The following STK38L variants were observed in gnomAD, a reference collection of about 807,000 sequenced individuals.
STK38L encodes serine/threonine kinase 38 like.
In STK38L, 28 loss-of-function variants were observed where a neutral mutation model predicts 59.7. That is an observed-to-expected ratio of 0.47 (90% CI 0.35 to 0.64). The LOEUF (loss-of-function observed/expected upper bound fraction) is 0.64, where lower values mean the gene tolerates loss of function less well. Ranked by LOEUF, STK38L falls within the 30% of genes least tolerant of loss-of-function variation. STK38L has a pLI of 0.01. For missense variants in STK38L, 314 were observed against 555.8 expected (o/e 0.56, Z 4.37); for synonymous variants, 162 against 176.8 (o/e 0.92, Z 0.66).
At chr12:27,262,865 C>G (rs1465981767) in intron 1 of STK38L, among the ~76,000 whole-genome samples, 1 of 148,966 alleles carries the variant, frequency 6.7e-6, no homozygotes, top group Non-Finnish European at 1.5e-5. Flanking sequence ...GTGGTGGGAT[C>G]CCAGCTCACT....
rs75507321 is a variant in STK38L, at chr12:27,249,898, C to G, written c.-12+5566C>G. On this transcript the variant is annotated intron_variant, in intron 1 of 13. Transcript: ENST00000389032. Reference sequence around the variant, plus strand: ...TTATTTACTATCTCTCCAGCTGATTCAGGAGATTTTATTCCTCGTTTTCCT... The same window carrying G: ...TTATTTACTATCTCTCCAGCTGATTGAGGAGATTTTATTCCTCGTTTTCCT... 2.5e-3 allele frequency among the ~76,000 whole-genome samples: 376 copies of G among 152,290 alleles called. 1 individual carries two copies. The highest frequency in any genetic ancestry group is 8.8e-3 in the African/African-American group (367 of 41,566).
At chr12:27,255,583 C>G (rs1410714887) in intron 1 of STK38L, among the ~76,000 whole-genome samples, 2 of 152,162 alleles carry the variant, frequency 1.3e-5, no homozygotes, top group East Asian at 3.8e-4. Context: ...TGTACATCAT[C>G]TCCAACAAGT....
At chr12:27,292,308 G>T (rs889890202) in intron 1 of STK38L, among the ~76,000 whole-genome samples, 9 of 152,136 alleles carry the variant, frequency 5.9e-5, no homozygotes, top group Non-Finnish European at 1.2e-4. Context: ...TTAAAAGTCT[G>T]TCTGTGTCTG....
intron 1 of STK38L, among the ~76,000 whole-genome samples, chr12:27,265,828 A>C (rs1211159069): frequency 1.3e-5 from 2 of 152,146 alleles, no homozygotes; most frequent in Non-Finnish European, 2.9e-5. Context: ...TTGAAGCATG[A>C]TTAATTTTGT....
At chr12:27,278,897 C>G (rs1427403831) in intron 1 of STK38L, among the ~76,000 whole-genome samples, 2 of 152,084 alleles carry the variant, frequency 1.3e-5, no homozygotes, top group Non-Finnish European at 2.9e-5. Context: ...AAATCAAAAT[C>G]TCAACAGTAA....
intron 1 of STK38L, among the ~76,000 whole-genome samples, chr12:27,254,216 A>G (rs1271255742): frequency 6.6e-6 from 1 of 152,188 alleles, no homozygotes; most frequent in Non-Finnish European, 1.5e-5. Context: ...TACCTTTCCC[A>G]TAGGGTTTTA....
intron 1 of STK38L, among the ~76,000 whole-genome samples, chr12:27,263,953 G>C (rs1197142542): frequency 1.3e-5 from 2 of 152,202 alleles, no homozygotes; most frequent in Non-Finnish European, 2.9e-5. Context: ...TAGTTCGTCA[G>C]GTTCTTTAAA....
At chr12:27,310,637 A>G (rs1565552172) in intron 5 of STK38L, among the ~76,000 whole-genome samples, 1 of 152,242 alleles carries the variant, frequency 6.6e-6, no homozygotes, top group Non-Finnish European at 1.5e-5. Context: ...CGGATATATT[A>G]GGTTACATAA....
At chr12:27,306,528 A>G (rs1347639670) in intron 3 of STK38L, among the ~76,000 whole-genome samples, 1 of 152,090 alleles carries the variant, frequency 6.6e-6, no homozygotes, top group Non-Finnish European at 1.5e-5. Context: ...ACCTATGTGC[A>G]AAAAAGGGTA....
intron 1 of STK38L, among the ~76,000 whole-genome samples, chr12:27,295,552 T>G (rs1262337674): frequency 6.6e-6 from 1 of 151,634 alleles, no homozygotes. Context: ...GCCCCCTCCC[T>G]CCCCCCAATC....
intron 6 of STK38L, among the ~76,000 whole-genome samples, chr12:27,314,084 C>T (rs1444085545): frequency 2.6e-5 from 4 of 152,072 alleles, no homozygotes; most frequent in Admixed American, 1.3e-4. Context: ...TAGAAATATA[C>T]TGGGTAGATC....
At chr12:27,319,506 T>C (rs1302115085) in intron 12 of STK38L, 83 bp downstream of exon 12, 4 of 890,674 alleles carry the variant, frequency 4.5e-6, no homozygotes, top group Non-Finnish European at 7.2e-6. Context: ...CTGATTCTGC[T>C]AGATTAAATA....
chr12:27,301,105 C>T (rs61915942), intron 2 of STK38L, among the ~76,000 whole-genome samples: 1 of 152,148 alleles, frequency 6.6e-6, no homozygotes, highest in Non-Finnish European at 1.5e-5. Context: ...ATGTGTTCCA[C>T]AACCATCTCT....
At chr12:27,246,491 AATC>A (rs571109958) in intron 1 of STK38L, among the ~76,000 whole-genome samples, 13 of 152,228 alleles carry the variant, frequency 8.5e-5, no homozygotes, top group Non-Finnish European at 1.3e-4. Context: ...ATTACATTAA[AATC>A]AGCAGATTGG....
At chr12:27,305,525 A>G (rs1034228404) in intron 3 of STK38L, among the ~76,000 whole-genome samples, 2 of 152,218 alleles carry the variant, frequency 1.3e-5, no homozygotes, top group Admixed American at 6.5e-5. Flanking sequence ...CAACCTTAAT[A>G]TAAAGTATGT....
In STK38L at chr12:27,314,608, G is replaced by C. The variant is rs1411491277; in HGVS notation, c.622G>C (p.Gly208Arg). 1 of 1,608,256 alleles carries C rather than the reference G, an allele frequency of 6.2e-7. No homozygotes were observed. The highest frequency in any genetic ancestry group is 8.5e-7 in the Non-Finnish European group (1 of 1,177,412). Residue 208 changes from glycine to arginine, a missense_variant, in exon 7 of 14, where the codon GGT (glycine) becomes CGT (arginine). Gly to Arg is a moderately radical substitution (Grantham distance 125, BLOSUM62 -2). This residue lies in a region of STK38L where 192 missense variants were observed against 316.9 expected (regional missense o/e 0.61). Transcript: ENST00000389032. ...VLAIDAIHQL[G>R]FIHRDIKPDN... is the part of the protein sequence containing the mutation. ...GGCAATAGATGCGATCCACCAGTTG[G>C]GTTTCATCCATCGGGATATTAAGCC...
At chr12:27,303,895 A>G (rs1034391460) in intron 3 of STK38L, among the ~76,000 whole-genome samples, 2 of 152,190 alleles carry the variant, frequency 1.3e-5, no homozygotes, top group Non-Finnish European at 2.9e-5. Flanking sequence ...CACCATGGAA[A>G]GCTAGGTTTA....
In STK38L at chr12:27,283,116, G is replaced by T. The variant is rs377649073; in HGVS notation, c.-11-14594G>T. 3.9e-5 allele frequency among the ~76,000 whole-genome samples: 6 copies of T among 152,294 alleles called. No individual in the cohort carries two copies. In the East Asian group the frequency reaches 9.6e-4, roughly 24 times the overall value. The stretch of plus-strand genomic sequence containing the variant: ...TTACCATGTGCTTCTTAAAAAAGAT[G>T]AAGTAGGTCCATTTGTATTAATATT... On this transcript the variant is annotated intron_variant, in intron 1 of 13. Coordinates refer to ENST00000389032, the MANE Select transcript of STK38L (RefSeq NM_015000.4).
intron 1 of STK38L, among the ~76,000 whole-genome samples, chr12:27,265,601 A>T (rs530933745): frequency 1.3e-5 from 2 of 152,176 alleles, no homozygotes; most frequent in South Asian, 2.1e-4. Context: ...TTGCTTAATT[A>T]AAAAAATTAT....
Sources: gnomAD v4.1 joint callset for allele counts (sites outside exome capture counted in the v4.1 genomes callset) on GRCh38, gnomAD v4.1.1 for gene constraint, gnomAD v4.1.1 regional missense constraint, MANE v1.5 for transcripts, NCBI Gene and HGNC (gene_info 2026-07-23, HGNC 2026-07-21) for gene names.